The following ZMYM2 variants were observed in gnomAD, a reference collection of about 807,000 sequenced individuals.
ZMYM2 encodes the protein zinc finger MYM-type containing 2, also known as zinc finger MYM-type protein 2.
ZMYM2 carries 56 observed loss-of-function variants against 162.8 expected under a neutral mutation model. The ratio of observed to expected loss-of-function variants is 0.34; its 90% CI spans 0.28 to 0.43. The LOEUF is 0.43. Among genes scored for constraint, ZMYM2 ranks in the 20% least tolerant of loss-of-function variants. ZMYM2 has a pLI of 1.00. For synonymous variants in ZMYM2, 510 were observed against 541.6 expected (o/e 0.94, Z 0.81); for missense variants, 1,275 against 1,621.8 (o/e 0.79, Z 3.67).
intron 6 of ZMYM2, among the ~76,000 whole-genome samples, chr13:20,014,055 C>G (rs987138502): frequency 6.6e-6 from 1 of 151,974 alleles, no homozygotes; most frequent in Non-Finnish European, 1.5e-5. Flanking sequence ...TCTTGGCCTT[C>G]TCTTTTTTGG....
the ZMYM2 span, among the ~76,000 whole-genome samples, chr13:19,918,559 C>T: frequency 7.7e-6 from 1 of 129,802 alleles, no homozygotes; most frequent in Non-Finnish European, 1.6e-5. Context: ...AGTGCAGTGG[C>T]ATGATCTTGG....
In ZMYM2 at chr13:20,058,725, T is replaced by G. The variant is rs758585842; in HGVS notation, c.2623+21T>G. 6.8e-6 allele frequency: 11 copies of G among 1,611,908 alleles called. No homozygotes were observed. The African/African-American group carries it at 1.5e-4, about 22-fold the overall frequency. On this transcript the variant is annotated intron_variant, in intron 15 of 24. Coordinates refer to ENST00000610343, the MANE Select transcript of ZMYM2 (RefSeq NM_197968.4). ...GACAGGTAACTTAGGACAATGTGAC[T>G]TACATACTTCCCCATACCTTCATCT...
chr13:19,879,334 T>C, the ZMYM2 span, among the ~76,000 whole-genome samples: 1 of 152,150 alleles, frequency 6.6e-6, no homozygotes, highest in Non-Finnish European at 1.5e-5. Flanking sequence ...CCAACACTTT[T>C]GGAGGCTGAG....
In ZMYM2 at chr13:20,083,794, T is replaced by A; in HGVS notation, c.3941+18T>A. On this transcript the variant is annotated intron_variant, in intron 24 of 24. Coordinates refer to ENST00000610343, the MANE Select transcript of ZMYM2 (RefSeq NM_197968.4). ...TCTAAAAGGTGAGTGTTAATGATAC[T>A]TAACTTTTAAAAATGTTGGTAGAAG... 6.3e-7 allele frequency: 1 copy of A among 1,592,380 alleles called. No individual in the cohort carries two copies. Among genetic ancestry groups the A allele is most frequent in the South Asian group, 1.2e-5 (1 of 85,982 alleles).
At chr13:19,965,327 A>T (rs1422252965) in intron 2 of ZMYM2, 2 of 1,064,090 alleles carry the variant, frequency 1.9e-6, no homozygotes, top group East Asian at 1.1e-4. Flanking sequence ...CTTAACATTA[A>T]AAAATGACTT....
chr13:19,909,410 T>C, the ZMYM2 span, among the ~76,000 whole-genome samples: 13 of 150,670 alleles, frequency 8.6e-5, no homozygotes, highest in Non-Finnish European at 1.9e-4. Flanking sequence ...CCTCATTTTT[T>C]CTTCTTTCTC....
chr13:19,908,480 T>C, the ZMYM2 span, among the ~76,000 whole-genome samples: 5 of 152,132 alleles, frequency 3.3e-5, no homozygotes, highest in African/African-American at 1.2e-4. Flanking sequence ...AAGAGGCACA[T>C]CATGTTCAGT....
intron 3 of ZMYM2, among the ~76,000 whole-genome samples, chr13:19,994,326 A>G (rs534195714): frequency 2.0e-5 from 3 of 152,370 alleles, no homozygotes; most frequent in African/African-American, 7.2e-5. Context: ...AAATTTAAAA[A>G]GCAAAACAAA....
At position 20,021,761 on chromosome 13, in the gene ZMYM2, A is replaced by G. The variant is rs189540462; in HGVS notation, c.1584+2143A>G. On this transcript the variant is annotated intron_variant, in intron 7 of 24. Transcript: ENST00000610343. ...TGGTTCTGGGGTTCTTTCTCTGGCC[A>G]CAGGTGCTTTCTTCTCATGAATGCA... Among the ~76,000 whole-genome samples, 749 of 152,302 alleles carry G rather than the reference A, an allele frequency of 4.9e-3. 3 individuals carry two copies. The highest frequency in any genetic ancestry group is 7.8e-3 in the Non-Finnish European group (531 of 68,034).
intron 3 of ZMYM2, among the ~76,000 whole-genome samples, chr13:20,001,625 G>A (rs918625477): frequency 2.0e-5 from 3 of 152,148 alleles, no homozygotes; most frequent in African/African-American, 7.2e-5. Flanking sequence ...TGAGAAGATT[G>A]ACTCTGATTT....
At chr13:20,005,021 T>C in intron 4 of ZMYM2, 53 bp from the exon 5 acceptor site, 2 of 1,461,966 alleles carry the variant, frequency 1.4e-6, no homozygotes, top group Non-Finnish European at 1.9e-6. Flanking sequence ...TTATGACTCT[T>C]ATATTTGATT....
chr13:19,996,546 G>A (rs892614241), intron 3 of ZMYM2, among the ~76,000 whole-genome samples: 3 of 152,134 alleles, frequency 2.0e-5, no homozygotes, highest in African/African-American at 7.2e-5. Flanking sequence ...GGCCAACATG[G>A]TGAAACCCCA....
the ZMYM2 span, among the ~76,000 whole-genome samples, chr13:19,896,628 G>A: frequency 3.3e-5 from 5 of 150,894 alleles, no homozygotes; most frequent in Non-Finnish European, 7.4e-5. Context: ...GTGGTGGAGG[G>A]CGCCTGTAGT....
chr13:20,025,190 C>G, intron 7 of ZMYM2: 1 of 202,968 alleles, frequency 4.9e-6, no homozygotes, highest in East Asian at 7.6e-5. Context: ...ATCCATGGAA[C>G]ATTTCGAAGC....
At chr13:19,941,580 A>T in the ZMYM2 span, among the ~76,000 whole-genome samples, 1 of 152,086 alleles carries the variant, frequency 6.6e-6, no homozygotes. Context: ...TTTTATAACC[A>T]ATTGGCTAGT....
chr13:20,022,634 A>T (rs1017117813), intron 7 of ZMYM2, among the ~76,000 whole-genome samples: 4 of 152,240 alleles, frequency 2.6e-5, no homozygotes, highest in Non-Finnish European at 2.9e-5. Flanking sequence ...GAGAAAAGTA[A>T]AACATGATGG....
At chr13:19,995,858 G>A (rs1326621541) in intron 3 of ZMYM2, among the ~76,000 whole-genome samples, 2 of 152,172 alleles carry the variant, frequency 1.3e-5, no homozygotes, top group African/African-American at 2.4e-5. Context: ...AGGCATAGTG[G>A]TGCACACCTG....
upstream of ZMYM2, among the ~76,000 whole-genome samples, chr13:19,957,860 G>C (rs529938025): frequency 3.9e-5 from 6 of 152,328 alleles, no homozygotes; most frequent in East Asian, 7.8e-4. Flanking sequence ...GGGGAGCTGC[G>C]TCTGGGTCTC....
At chr13:20,029,870 T>C (rs1051302727) in intron 9 of ZMYM2, among the ~76,000 whole-genome samples, 2 of 151,998 alleles carry the variant, frequency 1.3e-5, no homozygotes, top group Non-Finnish European at 2.9e-5. Flanking sequence ...TGATCTCGGC[T>C]CGCTGCAATC....
Sources: gnomAD v4.1 joint callset for allele counts (sites outside exome capture counted in the v4.1 genomes callset) on GRCh38, gnomAD v4.1.1 for gene constraint, MANE v1.5 for transcripts, NCBI Gene and HGNC (gene_info 2026-07-23, HGNC 2026-07-21) for gene names.